The following SND1 variants were observed in gnomAD, a reference collection of about 807,000 sequenced individuals.
The protein encoded by SND1 is staphylococcal nuclease and tudor domain containing 1, also known as staphylococcal nuclease domain-containing protein 1.
In SND1, 38 loss-of-function variants were observed where a neutral mutation model predicts 121.7. That is an observed-to-expected ratio of 0.31 (90% confidence interval 0.24 to 0.41). The LOEUF (loss-of-function observed/expected upper bound fraction) is 0.41. Among genes scored for constraint, SND1 ranks in the 10% least tolerant of loss-of-function variants. The pLI, the probability that SND1 is intolerant of heterozygous loss-of-function variation, is 1.00. For missense variants in SND1, 868 were observed against 1,184.6 expected, an observed-to-expected ratio of 0.73 and a Z score of 3.92; for synonymous variants, 401 against 447.4, an observed-to-expected ratio of 0.90 and a Z score of 1.31.
At chr7:127,735,308 C>G (rs887082174) in intron 10 of SND1, among the ~76,000 whole-genome samples, 1 of 152,204 alleles carries the variant, frequency 6.6e-6, no homozygotes, top group Admixed American at 6.5e-5. Flanking sequence ...CTACCAGAAG[C>G]TGTAACTGGC....
chr7:127,897,098 C>A (rs1800134239), intron 13 of SND1, among the ~76,000 whole-genome samples: 1 of 152,132 alleles, frequency 6.6e-6, no homozygotes, highest in Admixed American at 6.6e-5. Flanking sequence ...TTCTTGTAAA[C>A]TTCCTTGTGC....
chr7:127,845,168 A>C (rs1799036462), intron 12 of SND1, among the ~76,000 whole-genome samples: 1 of 152,372 alleles, frequency 6.6e-6, no homozygotes, highest in East Asian at 1.9e-4. Flanking sequence ...GTTTGTCATC[A>C]AAACAAGGAT....
chr7:128,001,158 T>C (rs565023412), intron 16 of SND1, among the ~76,000 whole-genome samples: 1 of 152,230 alleles, frequency 6.6e-6, no homozygotes, highest in Admixed American at 6.5e-5. Context: ...TGGTCTGTTA[T>C]GAAATGCTGC....
intron 12 of SND1, among the ~76,000 whole-genome samples, chr7:127,876,804 G>T (rs938960260): frequency 6.6e-6 from 1 of 152,116 alleles, no homozygotes; most frequent in Non-Finnish European, 1.5e-5. Context: ...CATGTTTGTT[G>T]TATAGCAGGA....
At chr7:127,932,800 A>AT (rs1563062567) in intron 15 of SND1, among the ~76,000 whole-genome samples, 1 of 152,190 alleles carries the variant, frequency 6.6e-6, no homozygotes, top group African/African-American at 2.4e-5. Context: ...GATCATTAGC[A>AT]TTTTTTAACA....
chr7:127,981,331 T>C lies in SND1; in HGVS notation c.1670-9616T>C, dbSNP rs184010474. Among the ~76,000 whole-genome samples the C allele has an allele frequency of 1.2e-4, 18 of 152,328 alleles. No individual in the cohort carries two copies. In the East Asian group the frequency reaches 3.3e-3, roughly 28 times the overall value. ...TCCCATGCCCAGTTGTTCTTTCTGC[T>C]AGTAGCTGATGGTGACATTATTGCA... On this transcript the variant is annotated intron_variant, in intron 15 of 23. Transcript: ENST00000354725.
chr7:127,900,846 C>G (rs1034359572), intron 13 of SND1, among the ~76,000 whole-genome samples: 1 of 152,180 alleles, frequency 6.6e-6, no homozygotes, highest in South Asian at 2.1e-4. Context: ...ACTGCTGCAT[C>G]TTGGAGAAGA....
rs143683796 is a variant in SND1, at chr7:127,663,477, C to T, written c.78+11026C>T. Among the ~76,000 whole-genome samples the T allele has an allele frequency of 5.3e-5, 8 of 150,908 alleles. No homozygotes were observed. In the East Asian group the frequency reaches 1.4e-3, roughly 26 times the overall value. On this transcript the variant is annotated intron_variant, in intron 1 of 23. Coordinates refer to ENST00000354725, the MANE Select transcript of SND1 (RefSeq NM_014390.4). ...ACCTCCACCTCTCGGGTTCAAGTGA[C>T]TCCCCTGCCTCAGCCTCCCAAGTAG... is the stretch of plus-strand genomic sequence containing the variant.
chr7:127,664,926 A>T (rs1795386305), intron 1 of SND1, among the ~76,000 whole-genome samples: 1 of 152,258 alleles, frequency 6.6e-6, no homozygotes, highest in Non-Finnish European at 1.5e-5. Context: ...AACAAAAACA[A>T]TTTTTTTGTC....
In SND1 at chr7:127,730,237, G is replaced by A. The variant is rs561406445; in HGVS notation, c.1152+8837G>A. Among the ~76,000 whole-genome samples, 16 of 152,322 alleles carry A rather than the reference G, an allele frequency of 1.1e-4. 1 individual carries two copies. The South Asian group carries it at 3.3e-3, about 32-fold the overall frequency. ...CCGCCCCGGCTTCCCAAAGTGCTGGGATTACAGGTGTGAGCCACCGCGCCC... is the reference window on the plus strand; with the variant it reads ...CCGCCCCGGCTTCCCAAAGTGCTGGAATTACAGGTGTGAGCCACCGCGCCC... On this transcript the variant is annotated intron_variant, in intron 10 of 23. Coordinates refer to ENST00000354725, the MANE Select transcript of SND1 (RefSeq NM_014390.4).
At chr7:127,895,679 G>A (rs1800105622) in intron 13 of SND1, among the ~76,000 whole-genome samples, 1 of 152,088 alleles carries the variant, frequency 6.6e-6, no homozygotes, top group African/African-American at 2.4e-5. Context: ...GTGATTTGAC[G>A]ATGCAGCTGA....
chr7:127,932,540 A>G (rs1800974440), intron 15 of SND1, among the ~76,000 whole-genome samples: 1 of 152,268 alleles, frequency 6.6e-6, no homozygotes, highest in Non-Finnish European at 1.5e-5. Context: ...AAACAGCATC[A>G]GGGTTTGAGA....
In SND1 at chr7:127,796,890, CTT is replaced by C. The variant is rs36078891; in HGVS notation, c.1153-10575_1153-10574del. 4.4e-3 allele frequency among the ~76,000 whole-genome samples: 450 copies of C among 102,066 alleles called. 1 individual carries two copies. Among genetic ancestry groups the C allele is most frequent in the Non-Finnish European group, 6.5e-3 (344 of 52,854 alleles). The allele number at this position is 102,066 out of a possible 152,430, so 67.0% of individuals were successfully genotyped here. On this transcript the variant is annotated intron_variant, in intron 10 of 23. Transcript: ENST00000354725. The stretch of plus-strand genomic sequence containing the variant: ...CCAGATAATTTTTATTTTCCTGAGT[CTT>C]TTTTTTTTTTTTTTTTTTGCTATTG...
intron 16 of SND1, among the ~76,000 whole-genome samples, chr7:128,034,425 A>G (rs182220473): frequency 5.9e-5 from 9 of 152,212 alleles, no homozygotes; most frequent in Non-Finnish European, 7.4e-5. Flanking sequence ...AGAGTCATCT[A>G]TTGCCTGAGG....
At chr7:127,900,521 T>C (rs1413868106) in intron 13 of SND1, among the ~76,000 whole-genome samples, 1 of 152,220 alleles carries the variant, frequency 6.6e-6, no homozygotes, top group Non-Finnish European at 1.5e-5. Context: ...GGAGATGATC[T>C]CCCTGCAAAA....
intron 10 of SND1, among the ~76,000 whole-genome samples, chr7:127,766,783 A>AAAAAAAAAC (rs1797427999): frequency 6.7e-6 from 1 of 148,752 alleles, no homozygotes; most frequent in Non-Finnish European, 1.5e-5. Context: ...AAAAAAAAAA[A>AAAAAAAAAC]AAAAAAAAAA....
rs933721018 is a variant in SND1 at position 128,081,844 on chromosome 7, G to T, written c.2110+343G>T. On this transcript the variant is annotated intron_variant, in intron 18 of 23. Transcript: ENST00000354725. ...TTCCTACATACCCCTGGCTATGCTG[G>T]GCAGGATGATTTGTAGCCCCCAGAA... 5 of 551,360 alleles carry T rather than the reference G, an allele frequency of 9.1e-6. No homozygotes were observed. The African/African-American group carries it at 9.5e-5, about 10-fold the overall frequency. The allele number at this position is 551,360 out of a possible 1,614,324, so 34.2% of individuals were successfully genotyped here. A position where few individuals can be genotyped will look rare whatever the true frequency, so the allele number is the denominator to read the frequency against.
rs889727301 is a variant in SND1 at position 127,652,339 on chromosome 7, C to T, written c.-35C>T. 1 of 1,556,012 alleles carries T rather than the reference C, an allele frequency of 6.4e-7. No individual in the cohort carries two copies. The highest frequency in any genetic ancestry group is 8.7e-7 in the Non-Finnish European group (1 of 1,145,324). Reference sequence around the variant, plus strand: ...CCCACATTGACACCTCCAGTCCGGCCAGCCGCTCCACTCGTTGCCTTTGCA... The same window carrying T: ...CCCACATTGACACCTCCAGTCCGGCTAGCCGCTCCACTCGTTGCCTTTGCA... On this transcript the variant is annotated 5_prime_UTR_variant, in exon 1 of 24. Transcript: ENST00000354725.
chr7:128,046,098 G>C (rs1301525033), intron 16 of SND1, among the ~76,000 whole-genome samples: 1 of 152,066 alleles, frequency 6.6e-6, no homozygotes, highest in Non-Finnish European at 1.5e-5. Context: ...TTTGGATACA[G>C]AAAATTTTTC....
Sources: gnomAD v4.1 joint callset for allele counts (sites outside exome capture counted in the v4.1 genomes callset) on GRCh38, gnomAD v4.1.1 for gene constraint, MANE v1.5 for transcripts, NCBI Gene and HGNC (gene_info 2026-07-23, HGNC 2026-07-21) for gene names.